Variants in PLCE1 observed in about 807,000 individuals in gnomAD.
The protein encoded by PLCE1 is phospholipase C epsilon 1.
A neutral mutation model predicts 242.8 loss-of-function variants in PLCE1; 119 were observed. The observed-to-expected ratio is 0.49, with a 90% CI of 0.42 to 0.57. The LOEUF (loss-of-function observed/expected upper bound fraction) is 0.57. PLCE1 is among the 20% of genes least tolerant of loss of function. PLCE1 has a pLI of 0.00. For synonymous variants in PLCE1, 945 were observed against 1,017.4 expected, an observed-to-expected ratio of 0.93 and a Z score of 1.35; for missense variants, 2,441 against 2,788.8, an observed-to-expected ratio of 0.88 and a Z score of 2.81.
chr10:94,206,517 G>A (rs551718945), intron 4 of PLCE1, among the ~76,000 whole-genome samples: 1 of 152,332 alleles, frequency 6.6e-6, no homozygotes, highest in East Asian at 1.9e-4. Context: ...GATATGCGTA[G>A]CCATGGTTGA....
At chr10:94,296,477 T>C (rs2052820872) in intron 23 of PLCE1, among the ~76,000 whole-genome samples, 1 of 152,190 alleles carries the variant, frequency 6.6e-6, no homozygotes, top group African/African-American at 2.4e-5. Context: ...CTTGCTGATA[T>C]TATGTTATGG....
chr10:94,160,703 G>C (rs970429263), intron 3 of PLCE1, among the ~76,000 whole-genome samples: 2 of 152,156 alleles, frequency 1.3e-5, no homozygotes, highest in African/African-American at 4.8e-5. Flanking sequence ...CCATGCCTAT[G>C]TCCTGAATGG....
chr10:94,174,348 T>G (rs952639252), intron 4 of PLCE1, among the ~76,000 whole-genome samples: 1 of 152,088 alleles, frequency 6.6e-6, no homozygotes, highest in African/African-American at 2.4e-5. Flanking sequence ...GTAGAAAGAA[T>G]GAGAAAAATA....
intron 2 of PLCE1, among the ~76,000 whole-genome samples, chr10:94,076,625 A>C (rs996475748): frequency 7.2e-5 from 11 of 152,192 alleles, no homozygotes; most frequent in African/African-American, 2.7e-4. Context: ...GAAGGAAAAA[A>C]ATAAAAAACC....
intron 2 of PLCE1, among the ~76,000 whole-genome samples, chr10:94,064,258 AG>A (rs1564657707): frequency 1.3e-5 from 2 of 152,166 alleles, no homozygotes; most frequent in Non-Finnish European, 1.5e-5. Context: ...GACAATTAAG[AG>A]CGTGAGCTTT....
intron 24 of PLCE1, among the ~76,000 whole-genome samples, chr10:94,300,321 G>A (rs747155685): frequency 6.6e-6 from 1 of 152,216 alleles, no homozygotes; most frequent in Admixed American, 6.5e-5. Context: ...AAAGCTGCCT[G>A]TCCTCCACTG....
At chr10:94,250,267 C>T (rs1301425495) in intron 8 of PLCE1, among the ~76,000 whole-genome samples, 1 of 151,884 alleles carries the variant, frequency 6.6e-6, no homozygotes, top group Non-Finnish European at 1.5e-5. Context: ...TTTGGGAGGC[C>T]GAAGTGGGTG....
At chr10:94,141,946 A>G (rs1057072498) in intron 3 of PLCE1, among the ~76,000 whole-genome samples, 1 of 152,234 alleles carries the variant, frequency 6.6e-6, no homozygotes, top group Admixed American at 6.5e-5. Flanking sequence ...AAAAACAACC[A>G]TTAGATTCCA....
At chr10:94,316,783 C>A in intron 29 of PLCE1, 27 bp downstream of exon 29, 1 of 1,508,982 alleles carries the variant, frequency 6.6e-7, no homozygotes, top group Non-Finnish European at 9.2e-7. Context: ...GCAGCCTACA[C>A]AGTAACGACT....
intron 1 of PLCE1, among the ~76,000 whole-genome samples, chr10:94,026,964 A>G (rs2061461869): frequency 6.6e-6 from 1 of 152,186 alleles, no homozygotes; most frequent in South Asian, 2.1e-4. Context: ...TTCCTTCACA[A>G]CCTGATGGAG....
intron 2 of PLCE1, among the ~76,000 whole-genome samples, chr10:94,061,991 G>A (rs963987985): frequency 3.9e-5 from 6 of 152,212 alleles, no homozygotes; most frequent in African/African-American, 4.8e-5. Context: ...TGACCTTTGT[G>A]TCTCAGTTTC....
chr10:94,158,292 A>G (rs1295590982), intron 3 of PLCE1, among the ~76,000 whole-genome samples: 1 of 152,094 alleles, frequency 6.6e-6, no homozygotes, highest in Non-Finnish European at 1.5e-5. Context: ...TTGTCACCAA[A>G]AACACTCCAG....
intron 2 of PLCE1, among the ~76,000 whole-genome samples, chr10:94,037,111 T>A (rs2061679960): frequency 6.6e-6 from 1 of 152,254 alleles, no homozygotes; most frequent in Admixed American, 6.5e-5. Context: ...TTCTGCTTTC[T>A]TCCTTTTAAA....
rs754257655 is a variant in PLCE1, at chr10:94,322,071, T to C, written c.6501+12T>C. 38 of 1,612,982 alleles carry C rather than the reference T, an allele frequency of 2.4e-5. No homozygotes were observed. Among genetic ancestry groups the C allele is most frequent in the Non-Finnish European group, 3.1e-5 (36 of 1,179,076 alleles). The stretch of plus-strand genomic sequence containing the variant: ...ATGTCATTCAGCAGGTAAAAGCCTC[T>C]CCCTTCCTCACCTGAGTCCTTTCCT... On this transcript the variant is annotated intron_variant, in intron 30 of 32. Transcript: ENST00000371380.
chr10:94,025,937 A>G (rs547342531), intron 1 of PLCE1, among the ~76,000 whole-genome samples: 3 of 152,332 alleles, frequency 2.0e-5, no homozygotes, highest in South Asian at 4.1e-4. Flanking sequence ...TGTAGACCAT[A>G]TGGTATTTGT....
intron 2 of PLCE1, among the ~76,000 whole-genome samples, chr10:94,050,164 A>T (rs936278182): frequency 6.6e-6 from 1 of 152,094 alleles, no homozygotes; most frequent in African/African-American, 2.4e-5. Flanking sequence ...CACTGCTATA[A>T]ATATACTACT....
At chr10:94,284,398 G>T (rs12783751) in intron 21 of PLCE1, among the ~76,000 whole-genome samples, 22,494 of 152,150 alleles carry the variant, frequency 0.15, 1,773 homozygotes, top group Middle Eastern at 0.28. Context: ...AAACGGGCCA[G>T]ATAGCAGAGG....
At chr10:94,127,608 C>T (rs145464054) in intron 2 of PLCE1, among the ~76,000 whole-genome samples, 69 of 152,244 alleles carry the variant, frequency 4.5e-4, no homozygotes, top group African/African-American at 1.6e-3. Context: ...AAATAATTCG[C>T]GGCCATTTTT....
chr10:94,248,360 G>A (rs748926695), intron 8 of PLCE1, among the ~76,000 whole-genome samples: 1 of 152,196 alleles, frequency 6.6e-6, no homozygotes, highest in Non-Finnish European at 1.5e-5. Flanking sequence ...ACAGCACTTT[G>A]GGAGGCTGAG....
Sources: allele counts gnomAD v4.1 joint callset (sites outside exome capture counted in the v4.1 genomes callset), GRCh38; gene constraint gnomAD v4.1.1; transcripts MANE v1.5; gene names NCBI Gene and HGNC (gene_info 2026-07-23, HGNC 2026-07-21).